Variants in CASP4 observed in about 807,000 individuals in gnomAD.
CASP4 encodes caspase-4.
CASP4 carries 29 observed loss-of-function variants against 41.3 expected under a neutral mutation model. The observed-to-expected ratio is 0.70, with a 90% CI of 0.52 to 0.96. The LOEUF is 0.96. Ranked by LOEUF, CASP4 falls within the 40% of genes least tolerant of loss-of-function variation. The pLI, the probability that CASP4 is intolerant of heterozygous loss-of-function variation, is 0.00. For synonymous variants in CASP4, 185 were observed against 158.4 expected (o/e 1.17, Z -1.26); for missense variants, 447 against 460.6 (o/e 0.97, Z 0.27).
rs1244520258 is a variant in CASP4, at chr11:104,950,950, T to A, written c.521A>T (p.Asp174Val). ...CCTGGCTGTCAGATTCTCTTCTACA[T>A]CTACACTATAGTCCAGACCCTCAAG... is the stretch of plus-strand genomic sequence containing the variant. ...ELLEGLDYSV[D>V]VEENLTARDM... The change falls in exon 4 of 9, where the codon GAT (aspartate) becomes GTT (valine). Residue 174 changes from aspartate to valine, a missense_variant. Coordinates refer to ENST00000444739, the MANE Select transcript of CASP4 (RefSeq NM_001225.4). The A allele has an allele frequency of 1.2e-6, 2 of 1,612,960 alleles. No homozygotes were observed. Among genetic ancestry groups the A allele is most frequent in the Admixed American group, 3.3e-5 (2 of 59,856 alleles).
At chr11:104,955,114 C>T (rs1295078555) in intron 1 of CASP4, 113 bp from the exon 2 acceptor site, 35 of 1,049,074 alleles carry the variant, frequency 3.3e-5, no homozygotes, top group Non-Finnish European at 4.4e-5. Flanking sequence ...TCCTACTTCA[C>T]CATCTGTCTT....
chr11:104,964,152 C>G lies in CASP4; in HGVS notation c.7+4367G>C, dbSNP rs189478586. 4.6e-5 allele frequency among the ~76,000 whole-genome samples: 7 copies of G among 152,116 alleles called. No homozygotes were observed. In the East Asian group the frequency reaches 1.3e-3, roughly 29 times the overall value. ...TTATAGCTTTAATAGTGTCTATAGA[C>G]TTTTGTCATCCACAGACATTTTGTC... On this transcript the variant is annotated intron_variant, in intron 1 of 8. Coordinates refer to ENST00000444739, the MANE Select transcript of CASP4 (RefSeq NM_001225.4).
chr11:104,964,215 G>A (rs192417239), intron 1 of CASP4, among the ~76,000 whole-genome samples: 13 of 152,208 alleles, frequency 8.5e-5, no homozygotes, highest in Non-Finnish European at 1.8e-4. Flanking sequence ...TTATAATCAG[G>A]TATAGGACTC....
chr11:104,950,545 C>T (rs571407), intron 4 of CASP4, among the ~76,000 whole-genome samples: 51,217 of 151,766 alleles, frequency 0.34, 10,401 homozygotes, highest in East Asian at 0.61. Context: ...AGACCTATTC[C>T]CAACGTTAGG....
At chr11:104,946,798 A>T in intron 7 of CASP4, 1 of 202,134 alleles carries the variant, frequency 4.9e-6, no homozygotes, top group Non-Finnish European at 1.0e-5. Flanking sequence ...TAATAAATTA[A>T]GAAATAAAAA....
At chr11:104,965,225 G>GCAACATTT (rs1312562842) in intron 1 of CASP4, among the ~76,000 whole-genome samples, 1 of 152,136 alleles carries the variant, frequency 6.6e-6, no homozygotes, top group African/African-American at 2.4e-5. Flanking sequence ...TTACCTTACA[G>GCAACATTT]GAGGCTGTTG....
At chr11:104,953,769 G>A (rs1477557387) in intron 2 of CASP4, among the ~76,000 whole-genome samples, 2 of 152,118 alleles carry the variant, frequency 1.3e-5, no homozygotes, top group Non-Finnish European at 2.9e-5. Context: ...GGGGTATTGA[G>A]TCTGTCTCTG....
At chr11:104,947,239 GTTTTTGTTCATA>G in intron 6 of CASP4, 47 bp from the exon 7 acceptor site, 1 of 1,104,998 alleles carries the variant, frequency 9.0e-7, no homozygotes, top group Non-Finnish European at 1.3e-6. Context: ...CTTTCACTAT[GTTTTTGTTCATA>G]TTTTTGTTTT....
rs766500480 is a variant in CASP4 at position 104,954,735 on chromosome 11, A to T, written c.262+12T>A. On this transcript the variant is annotated intron_variant, in intron 2 of 8. Transcript: ENST00000444739. ...AAAATTGAGACATTCATTGTAAAAA[A>T]TCCAGTCTTACCTTTTTTATTGGGG... 1 of 1,610,786 alleles carries T rather than the reference A, an allele frequency of 6.2e-7. No individual in the cohort carries two copies. Among genetic ancestry groups the T allele is most frequent in the Non-Finnish European group, 8.5e-7 (1 of 1,178,362 alleles).
intron 1 of CASP4, among the ~76,000 whole-genome samples, chr11:104,967,198 C>T (rs559759683): frequency 3.3e-5 from 5 of 152,250 alleles, no homozygotes; most frequent in African/African-American, 1.2e-4. Context: ...AATTATCAAA[C>T]CACGACTTGT....
chr11:104,949,034 A>G, intron 5 of CASP4: 1 of 213,116 alleles, frequency 4.7e-6, no homozygotes, highest in Non-Finnish European at 9.5e-6. Flanking sequence ...GATTATAGGC[A>G]TGAGCCACCA....
chr11:104,964,054 G>C (rs988132655), intron 1 of CASP4, among the ~76,000 whole-genome samples: 1 of 152,042 alleles, frequency 6.6e-6, no homozygotes, highest in African/African-American at 2.4e-5. Flanking sequence ...AAAATTTACT[G>C]TACATTATTA....
rs1174486082 is a variant in CASP4, at chr11:104,949,541, AC to A, written c.781+1del. ...TGTTAGATGTTCAGTCTCAGCACTC[AC>A]CACCTCTGCAGGCCTGGACAATGAT... On this transcript the variant is annotated splice_donor_variant, in intron 5 of 8. Coordinates refer to ENST00000444739, the MANE Select transcript of CASP4 (RefSeq NM_001225.4). LOFTEE classifies it high-confidence loss of function. The A allele has an allele frequency of 1.2e-6, 2 of 1,613,522 alleles. No individual in the cohort carries two copies. Among genetic ancestry groups the A allele is most frequent in the African/African-American group, 2.7e-5 (2 of 74,856 alleles).
chr11:104,964,017 A>G (rs1394951903), intron 1 of CASP4, among the ~76,000 whole-genome samples: 1 of 152,210 alleles, frequency 6.6e-6, no homozygotes, highest in East Asian at 1.9e-4. Context: ...CTGTCTGTGT[A>G]TTTATATAAA....
chr11:104,961,918 A>G (rs754493720), intron 1 of CASP4, among the ~76,000 whole-genome samples: 2 of 151,976 alleles, frequency 1.3e-5, no homozygotes, highest in African/African-American at 4.8e-5. Context: ...TTACCCAGAG[A>G]CCCCATTGTG....
At position 104,956,000 on chromosome 11, in the gene CASP4, G is replaced by A. The variant is rs566628592; in HGVS notation, c.8-999C>T. Among the ~76,000 whole-genome samples, 13 of 152,122 alleles carry A rather than the reference G, an allele frequency of 8.5e-5. No individual in the cohort carries two copies. The East Asian group carries it at 1.2e-3, about 14-fold the overall frequency. On this transcript the variant is annotated intron_variant, in intron 1 of 8. Coordinates refer to ENST00000444739, the MANE Select transcript of CASP4 (RefSeq NM_001225.4). Reference sequence around the variant, plus strand: ...TTATCTTGAATTAATATTTTCATACGTGCTTATTGGGCAGCTATTATGAGA... The same window carrying A: ...TTATCTTGAATTAATATTTTCATACATGCTTATTGGGCAGCTATTATGAGA...
chr11:104,950,816 A>C (rs1860590596), intron 4 of CASP4, 109 bp downstream of exon 4: 1 of 953,548 alleles, frequency 1.0e-6, no homozygotes, highest in South Asian at 1.6e-5. Flanking sequence ...ACACACACAC[A>C]CACACACCCA....
At chr11:104,955,467 G>T (rs1313753025) in intron 1 of CASP4, among the ~76,000 whole-genome samples, 1 of 151,898 alleles carries the variant, frequency 6.6e-6, no homozygotes, top group Non-Finnish European at 1.5e-5. Context: ...CTTGGTGAAA[G>T]AACTATATCT....
rs773848270 is a variant in CASP4 at position 104,968,559 on chromosome 11, GA to G, written c.-35del. ...GCCTCTGTCCTTTTTTACAGCGTTG[GA>G]AAGAGCCTCAGAGTCAAAAATGAAA... On this transcript the variant is annotated 5_prime_UTR_variant, in exon 1 of 9. Transcript: ENST00000444739. 4.3e-6 allele frequency: 7 copies of G among 1,611,626 alleles called. No homozygotes were observed. The highest frequency in any genetic ancestry group is 1.7e-4 in the Middle Eastern group (1 of 6,038).
Sources: allele counts gnomAD v4.1 joint callset (sites outside exome capture counted in the v4.1 genomes callset), GRCh38; gene constraint gnomAD v4.1.1; transcripts MANE v1.5; gene names NCBI Gene and HGNC (gene_info 2026-07-23, HGNC 2026-07-21).